COMMD5: variants seen among roughly 807,000 people sequenced by gnomAD.
COMMD5 encodes the protein COMM domain containing 5.
COMMD5 carries 10 observed loss-of-function variants against 6.9 expected under a neutral mutation model. The observed-to-expected ratio is 1.44, with a 90% CI of 0.89 to 2.45. The LOEUF (loss-of-function observed/expected upper bound fraction) is 2.45, where lower values mean the gene tolerates loss of function less well. Ranked by LOEUF, COMMD5 falls within the 30% of genes most tolerant of loss-of-function variation. The pLI is 0.00. For missense variants in COMMD5, 234 were observed against 287.8 expected (o/e 0.81, Z 1.35); for synonymous variants, 127 against 125.3 (o/e 1.01, Z -0.09).
At chr8:144,841,000 C>T (rs148745934), downstream of COMMD5, 16 of 227,834 alleles carry the variant, frequency 7.0e-5, 1 homozygote, top group South Asian at 5.4e-4. Flanking sequence ...CCCCTGACCC[C>T]GCAGCCCAAT....
rs1219030128 is a variant in COMMD5, at chr8:144,851,150, G to A, written c.189C>T (p.Asp63=). ...CAAGACGCTGCACAGCCTCTCGGCA[G>A]TCCTCCCCCTGCAGGCTGCTGACCA... ...KFVVSSLQGE[D]CREAVQRLGV... Residue 63 remains aspartate, a synonymous_variant, in exon 2 of 2, where the codon GAC becomes GAT. Transcript: ENST00000305103. 11 of 1,613,302 alleles carry A rather than the reference G, an allele frequency of 6.8e-6. No homozygotes were observed. Among genetic ancestry groups the A allele is most frequent in the South Asian group, 3.3e-5 (3 of 91,080 alleles).
At chr8:144,849,750 C>T (rs1466514031), downstream of COMMD5, among the ~76,000 whole-genome samples, 1 of 151,982 alleles carries the variant, frequency 6.6e-6, no homozygotes, top group Admixed American at 6.5e-5. Flanking sequence ...CCACCAACTC[C>T]ACCCTGGTGA....
downstream of COMMD5, among the ~76,000 whole-genome samples, chr8:144,845,793 T>C (rs1165967959): frequency 6.6e-6 from 1 of 152,206 alleles, no homozygotes; most frequent in Non-Finnish European, 1.5e-5. Flanking sequence ...GTGCATCCAC[T>C]GTAACTGCCT....
downstream of COMMD5, among the ~76,000 whole-genome samples, chr8:144,839,635 C>G (rs1329710555): frequency 6.6e-6 from 1 of 152,236 alleles, no homozygotes; most frequent in African/African-American, 2.4e-5. Flanking sequence ...TTGATGGACC[C>G]AGCACTTGCT....
chr8:144,841,997 A>C (rs754314324), intron 1 of COMMD5: 1 of 1,614,216 alleles, frequency 6.2e-7, no homozygotes, highest in South Asian at 1.1e-5. Flanking sequence ...ATTCAGCATC[A>C]AAGAATCCAC....
chr8:144,842,136 C>T, intron 1 of COMMD5: 1 of 1,614,088 alleles, frequency 6.2e-7, no homozygotes, highest in Non-Finnish European at 8.5e-7. Flanking sequence ...GGAAAGCCTT[C>T]AGCCAGCAGT....
Position 144,850,321 on chromosome 8 carries a change from C to A in COMMD5, c.*343G>T, listed in dbSNP as rs1830677784. On this transcript the variant is annotated 3_prime_UTR_variant, in exon 2 of 2. Transcript: ENST00000305103. The surrounding 1 kb of genome is among the most constrained non-coding windows in gnomAD (Gnocchi z 4.0). Reference sequence around the variant, plus strand: ...CAAGATCTACAAAAGCACCTGGCTACATGGGGCCAGGCTGAGCAACTGTAT... The same window carrying A: ...CAAGATCTACAAAAGCACCTGGCTAAATGGGGCCAGGCTGAGCAACTGTAT... 4.6e-6 allele frequency: 1 copy of A among 218,980 alleles called. No homozygotes were observed. The highest frequency in any genetic ancestry group is 2.3e-5 in the African/African-American group (1 of 43,920). 13.6% of individuals were successfully genotyped at this position (218,980 alleles called of 1,614,324 possible). A position where few individuals can be genotyped will look rare whatever the true frequency, so the allele number is the denominator to read the frequency against.
At chr8:144,847,207 C>T (rs182547944), downstream of COMMD5, 14 of 152,368 alleles carry the variant, frequency 9.2e-5, no homozygotes, top group Non-Finnish European at 1.5e-4. Flanking sequence ...AGGGGCTGCT[C>T]ATGGGGTAGT....
intron 1 of COMMD5, chr8:144,852,342 A>T (rs1830784780): frequency 6.6e-6 from 1 of 152,532 alleles, no homozygotes; most frequent in African/African-American, 2.4e-5. Flanking sequence ...GGCTGGCAAC[A>T]GAGGCAAGTG....
At chr8:144,849,962 T>G (rs367679648), downstream of COMMD5, among the ~76,000 whole-genome samples, 48 of 152,166 alleles carry the variant, frequency 3.2e-4, no homozygotes, top group African/African-American at 1.0e-3. Flanking sequence ...CTCCACCTGC[T>G]TGGCTGCAGC....
chr8:144,853,355 G>A (rs1830840973), upstream of COMMD5: 1 of 152,274 alleles, frequency 6.6e-6, no homozygotes, highest in South Asian at 2.1e-4. Context: ...GTGGTCTGGG[G>A]TCAGAATTCC....
chr8:144,849,951 TCTC>T (rs1331533202), downstream of COMMD5, among the ~76,000 whole-genome samples: 7 of 151,874 alleles, frequency 4.6e-5, no homozygotes, highest in African/African-American at 1.7e-4. Context: ...CCCACAATGA[TCTC>T]CACCTGCTTG....
chr8:144,846,016 G>T, downstream of COMMD5: 1 of 1,536,502 alleles, frequency 6.5e-7, no homozygotes, highest in Non-Finnish European at 8.7e-7. Context: ...AAGAGCCAAG[G>T]CACCCACATG....
At chr8:144,843,323 CT>C (rs1830224120) in intron 1 of COMMD5, 1 of 986,590 alleles carries the variant, frequency 1.0e-6, no homozygotes, top group East Asian at 2.7e-5. Context: ...AGTGTGGTGG[CT>C]TATGCCTGTC....
exon 2 of COMMD5, chr8:144,841,357 T>C: frequency 6.3e-7 from 1 of 1,597,414 alleles, no homozygotes; most frequent in Non-Finnish European, 8.6e-7. Flanking sequence ...TATTTCAGAT[T>C]CTACGATTAG....
At chr8:144,845,947 CAGGG>C (rs1199490898), downstream of COMMD5, 2 of 1,533,432 alleles carry the variant, frequency 1.3e-6, no homozygotes, top group African/African-American at 2.7e-5. Flanking sequence ...AGGTCTAGCA[CAGGG>C]GTTGCTGTTG....
intron 1 of COMMD5, chr8:144,841,907 A>G (rs756456014): frequency 8.7e-6 from 14 of 1,614,024 alleles, no homozygotes; most frequent in Non-Finnish European, 1.2e-5. Context: ...CAGCTTAATC[A>G]GCATCAGAGA....
downstream of COMMD5, chr8:144,838,175 C>T (rs781038168): frequency 4.3e-6 from 3 of 702,272 alleles, no homozygotes; most frequent in South Asian, 3.0e-5. Context: ...ATCTCCGACT[C>T]CTTCACACGG....
chr8:144,846,330 C>T (rs900524221), downstream of COMMD5: 3 of 708,668 alleles, frequency 4.2e-6, no homozygotes, highest in African/African-American at 3.6e-5. Flanking sequence ...GCAAACCATT[C>T]GTAGCTTTTT....
Sources: allele counts gnomAD v4.1 joint callset (sites outside exome capture counted in the v4.1 genomes callset), GRCh38; gene constraint gnomAD v4.1.1; non-coding constraint Gnocchi (gnomAD v3.1); transcripts MANE v1.5; gene names NCBI Gene and HGNC (gene_info 2026-07-23, HGNC 2026-07-21).